Variants in PCDH15 observed in about 807,000 individuals in gnomAD.
PCDH15 encodes protocadherin-15.
A neutral mutation model predicts 178.5 loss-of-function variants in PCDH15; 129 were observed. The ratio of observed to expected loss-of-function variants is 0.72; its 90% CI spans 0.63 to 0.84. PCDH15 has a LOEUF of 0.84. Ranked by LOEUF, PCDH15 falls within the 40% of genes least tolerant of loss-of-function variation. PCDH15 has a pLI of 0.00. For synonymous variants in PCDH15, 800 were observed against 732.0 expected (o/e 1.09, Z -1.50); for missense variants, 2,230 against 2,099.9 (o/e 1.06, Z -1.21).
rs760223193 is a variant in PCDH15 at position 53,808,982 on chromosome 10, T to A, written c.4671+1574A>T. ...TCTTCTGAGTGTTCTTCTTCTTCCATCTTAGGTTCTTTTTGTTCTTCTTGT... is the reference window on the plus strand; with the variant it reads ...TCTTCTGAGTGTTCTTCTTCTTCCAACTTAGGTTCTTTTTGTTCTTCTTGT... On this transcript the variant is annotated intron_variant, in intron 37 of 37. Transcript: ENST00000644397. 2.0e-5 allele frequency: 31 copies of A among 1,562,116 alleles called. No individual in the cohort carries two copies. In the East Asian group the frequency reaches 5.5e-4, roughly 28 times the overall value.
intron 8 of PCDH15, among the ~76,000 whole-genome samples, chr10:54,286,067 G>C (rs1010889603): frequency 6.6e-6 from 1 of 151,940 alleles, no homozygotes; most frequent in Non-Finnish European, 1.5e-5. Flanking sequence ...GAAAGATGGA[G>C]AGAGACTGGT....
intron 2 of PCDH15, among the ~76,000 whole-genome samples, chr10:55,486,756 C>T (rs2132123842): frequency 6.6e-6 from 1 of 150,990 alleles, no homozygotes; most frequent in East Asian, 2.0e-4. Context: ...ATCCTCCTGC[C>T]TCTGCCTTCA....
chr10:54,345,801 CAAAAAAAAAAAAAAAAAAA>C (rs540507383), intron 6 of PCDH15, among the ~76,000 whole-genome samples: 2 of 52,434 alleles, frequency 3.8e-5, no homozygotes, highest in Non-Finnish European at 6.4e-5. Flanking sequence ...GACTCCGTCT[CAAAAAAAAAAAAAAAAAAA>C]AAAAAAAAAA....
intron 5 of PCDH15, among the ~76,000 whole-genome samples, chr10:54,350,387 T>C (rs1405675326): frequency 6.6e-6 from 1 of 152,186 alleles, no homozygotes; most frequent in Non-Finnish European, 1.5e-5. Flanking sequence ...TGTGTATTTC[T>C]ACTACTAGAT....
chr10:54,793,633 C>T (rs868327477), intron 1 of PCDH15, among the ~76,000 whole-genome samples: 2 of 149,058 alleles, frequency 1.3e-5, no homozygotes, highest in African/African-American at 4.9e-5. Flanking sequence ...AGTAAAGTAG[C>T]CATAATTTAT....
At chr10:54,971,623 G>T (rs1306611259) in intron 2 of PCDH15, among the ~76,000 whole-genome samples, 2 of 152,134 alleles carry the variant, frequency 1.3e-5, no homozygotes, top group Non-Finnish European at 2.9e-5. Context: ...AACAAAGTGT[G>T]AAACGTATTT....
chr10:55,133,219 T>A (rs992383521), intron 2 of PCDH15, among the ~76,000 whole-genome samples: 11 of 152,136 alleles, frequency 7.2e-5, no homozygotes, highest in Admixed American at 6.6e-4. Context: ...CTGATCAAGG[T>A]CACTATTGGT....
At chr10:54,936,651 G>A (rs1329022431) in intron 2 of PCDH15, among the ~76,000 whole-genome samples, 2 of 148,370 alleles carry the variant, frequency 1.3e-5, no homozygotes, top group Non-Finnish European at 3.0e-5. Flanking sequence ...ATAATTCCAT[G>A]TTTTCTTTAG....
intron 2 of PCDH15, among the ~76,000 whole-genome samples, chr10:55,068,727 T>C (rs1841633299): frequency 6.6e-6 from 1 of 151,978 alleles, no homozygotes; most frequent in African/African-American, 2.4e-5. Context: ...AGACCTTGGA[T>C]GTCTCTCCAT....
intron 3 of PCDH15, among the ~76,000 whole-genome samples, chr10:54,405,749 T>C (rs1589242099): frequency 6.6e-6 from 1 of 151,402 alleles, no homozygotes; most frequent in South Asian, 2.1e-4. Flanking sequence ...TACAAATATA[T>C]TTATGTAACT....
At chr10:54,833,054 A>G (rs1159262513) in intron 3 of PCDH15, among the ~76,000 whole-genome samples, 1 of 152,176 alleles carries the variant, frequency 6.6e-6, no homozygotes, top group Admixed American at 6.6e-5. Context: ...TTACTTATTT[A>G]CAATATACCA....
intron 1 of PCDH15, among the ~76,000 whole-genome samples, chr10:55,255,224 T>C (rs917130637): frequency 1.7e-4 from 11 of 63,856 alleles, no homozygotes; most frequent in African/African-American, 4.5e-4. Context: ...GTCCTTGTGA[T>C]AGTTTGCTGA....
At chr10:53,914,832 A>G (rs1001187075) in intron 25 of PCDH15, among the ~76,000 whole-genome samples, 1 of 152,206 alleles carries the variant, frequency 6.6e-6, no homozygotes, top group African/African-American at 2.4e-5. Context: ...AGATTTCTCT[A>G]AAAAGTTTAA....
chr10:55,256,411 C>T (rs556375592), intron 1 of PCDH15, among the ~76,000 whole-genome samples: 2 of 152,228 alleles, frequency 1.3e-5, no homozygotes, highest in East Asian at 1.9e-4. Flanking sequence ...GAGCATGAGC[C>T]GAAGCAGGGC....
chr10:55,000,075 A>G (rs980720335), intron 2 of PCDH15, among the ~76,000 whole-genome samples: 1 of 152,166 alleles, frequency 6.6e-6, no homozygotes, highest in African/African-American at 2.4e-5. Context: ...TCGGGCATGC[A>G]TTGTCATTGA....
chr10:54,272,026 TATATA>T (rs1225755696), intron 8 of PCDH15, among the ~76,000 whole-genome samples: 7 of 142,240 alleles, frequency 4.9e-5, no homozygotes, highest in Admixed American at 1.5e-4. Context: ...ATATATTTTA[TATATA>T]ATATATTATA....
chr10:54,283,905 T>A (rs1317698706), intron 8 of PCDH15, among the ~76,000 whole-genome samples: 1 of 152,156 alleles, frequency 6.6e-6, no homozygotes, highest in Admixed American at 6.6e-5. Flanking sequence ...CTGGGATGCA[T>A]TGGCACAATC....
At chr10:54,702,489 A>T (rs982287840) in intron 1 of PCDH15, among the ~76,000 whole-genome samples, 2 of 150,076 alleles carry the variant, frequency 1.3e-5, no homozygotes, top group Admixed American at 6.7e-5. Flanking sequence ...AAAGGTCTGA[A>T]TATCCACAAT....
At chr10:54,823,838 C>T (rs1953085658) in intron 3 of PCDH15, among the ~76,000 whole-genome samples, 1 of 152,088 alleles carries the variant, frequency 6.6e-6, no homozygotes, top group African/African-American at 2.4e-5. Flanking sequence ...TTCTTGAAAT[C>T]ATACAACCCA....
Sources: gnomAD v4.1 joint callset for allele counts (sites outside exome capture counted in the v4.1 genomes callset) on GRCh38, gnomAD v4.1.1 for gene constraint, MANE v1.5 for transcripts, NCBI Gene and HGNC (gene_info 2026-07-23, HGNC 2026-07-21) for gene names.